Variants in XIRP2 observed in about 807,000 individuals in gnomAD.
XIRP2 encodes the protein xin actin binding repeat containing 2.
In XIRP2, 236 loss-of-function variants were observed where a neutral mutation model predicts 277.0. The observed-to-expected ratio is 0.85, with a 90% confidence interval of 0.77 to 0.95. XIRP2 has a LOEUF of 0.95. XIRP2 is among the 40% of genes least tolerant of loss of function. The pLI, the probability that XIRP2 is intolerant of heterozygous loss-of-function variation, is 0.00. For missense variants in XIRP2, 4,640 were observed against 4,157.5 expected, an observed-to-expected ratio of 1.12 and a Z score of -3.19; for synonymous variants, 1,490 against 1,416.5, an observed-to-expected ratio of 1.05 and a Z score of -1.17.
At chr2:167,158,962 C>T (rs1277088438) in intron 3 of XIRP2, among the ~76,000 whole-genome samples, 1 of 152,160 alleles carries the variant, frequency 6.6e-6, no homozygotes, top group East Asian at 1.9e-4. Flanking sequence ...CAGACACTAC[C>T]TCTGGGGGGT....
At chr2:167,011,686 T>A (rs1162638390) in intron 2 of XIRP2, among the ~76,000 whole-genome samples, 1 of 151,042 alleles carries the variant, frequency 6.6e-6, no homozygotes, top group Non-Finnish European at 1.5e-5. Flanking sequence ...AATTCGGCTG[T>A]GAGTCCATCT....
intron 2 of XIRP2, among the ~76,000 whole-genome samples, chr2:167,128,844 C>T (rs949387845): frequency 3.3e-5 from 5 of 152,128 alleles, no homozygotes; most frequent in Non-Finnish European, 5.9e-5. Flanking sequence ...ACACTATGAG[C>T]TTCTTGAGGA....
intron 3 of XIRP2, among the ~76,000 whole-genome samples, chr2:167,147,375 C>G (rs1382828022): frequency 6.6e-6 from 1 of 152,076 alleles, no homozygotes; most frequent in Non-Finnish European, 1.5e-5. Context: ...ATATCAGGCC[C>G]GATAAGAGTC....
At chr2:166,966,187 T>A (rs1371492264) in intron 2 of XIRP2, among the ~76,000 whole-genome samples, 1 of 151,848 alleles carries the variant, frequency 6.6e-6, no homozygotes, top group African/African-American at 2.4e-5. Context: ...GGCTAAATAG[T>A]TGTCAATATT....
chr2:166,982,448 T>C (rs867082916), intron 2 of XIRP2, among the ~76,000 whole-genome samples: 1 of 152,014 alleles, frequency 6.6e-6, no homozygotes, highest in Non-Finnish European at 1.5e-5. Context: ...TGTCCCTTTT[T>C]TTCAACTTCT....
chr2:166,970,042 C>T (rs1054677965), intron 2 of XIRP2, among the ~76,000 whole-genome samples: 2 of 152,042 alleles, frequency 1.3e-5, no homozygotes, highest in Non-Finnish European at 2.9e-5. Context: ...AATCTGCCCA[C>T]ATAATGTGAA....
intron 2 of XIRP2, among the ~76,000 whole-genome samples, chr2:167,019,212 G>GT (rs978133112): frequency 6.6e-6 from 1 of 151,942 alleles, no homozygotes; most frequent in African/African-American, 2.4e-5. Context: ...GATTTAAGGG[G>GT]TAGATGAACT....
At chr2:167,171,840 T>C (rs891758937) in intron 3 of XIRP2, among the ~76,000 whole-genome samples, 7 of 152,226 alleles carry the variant, frequency 4.6e-5, no homozygotes, top group Admixed American at 3.9e-4. Context: ...AACCTCAAAG[T>C]CTACTTTTTC....
chr2:167,094,624 T>A (rs1276134910), intron 2 of XIRP2, among the ~76,000 whole-genome samples: 1 of 152,202 alleles, frequency 6.6e-6, no homozygotes, highest in Non-Finnish European at 1.5e-5. Context: ...ATCAGACGGT[T>A]GTAGATATGT....
chr2:167,193,305 CA>C (rs1371017935), intron 3 of XIRP2, among the ~76,000 whole-genome samples: 1 of 152,154 alleles, frequency 6.6e-6, no homozygotes, highest in Non-Finnish European at 1.5e-5. Flanking sequence ...TCAAGCCAAC[CA>C]GTCACAGCTT....
intron 3 of XIRP2, among the ~76,000 whole-genome samples, chr2:167,208,323 C>T (rs912416713): frequency 3.3e-5 from 5 of 151,644 alleles, no homozygotes; most frequent in South Asian, 2.1e-4. Context: ...TTTTTTGAGA[C>T]GGAGACGGAG....
At chr2:167,164,711 A>C (rs1692471904) in intron 3 of XIRP2, among the ~76,000 whole-genome samples, 1 of 152,116 alleles carries the variant, frequency 6.6e-6, no homozygotes, top group African/African-American at 2.4e-5. Flanking sequence ...TTATCCTTTT[A>C]GATTTTTAAT....
At chr2:167,026,598 G>T (rs1366971201) in intron 2 of XIRP2, among the ~76,000 whole-genome samples, 3 of 152,122 alleles carry the variant, frequency 2.0e-5, no homozygotes, top group Non-Finnish European at 4.4e-5. Context: ...GGTACCAGTT[G>T]TTCCTTTCCA....
chr2:167,214,439 T>C (rs1220238974), intron 4 of XIRP2, among the ~76,000 whole-genome samples: 1 of 136,726 alleles, frequency 7.3e-6, no homozygotes, highest in Non-Finnish European at 1.5e-5. Context: ...ATCGTGCTGC[T>C]GCACTCCAGC....
intron 5 of XIRP2, among the ~76,000 whole-genome samples, chr2:167,237,443 T>TA (rs1030543720): frequency 6.6e-6 from 1 of 152,000 alleles, no homozygotes; most frequent in Non-Finnish European, 1.5e-5. Context: ...CTTTTTTTTT[T>TA]AAATGTCATC....
chr2:166,927,711 A>G (rs999774206), intron 2 of XIRP2, among the ~76,000 whole-genome samples: 14 of 152,126 alleles, frequency 9.2e-5, no homozygotes, highest in Non-Finnish European at 1.2e-4. Flanking sequence ...TTCCATCTGC[A>G]ACCTTGATTT....
chr2:167,226,068 G>A (rs1002060326), intron 5 of XIRP2, among the ~76,000 whole-genome samples: 9 of 152,154 alleles, frequency 5.9e-5, no homozygotes, highest in African/African-American at 2.2e-4. Context: ...GGACGTCTCA[G>A]TTCCTGACTA....
In XIRP2 at chr2:167,258,592, T is replaced by C. The variant is rs763829081; in HGVS notation, c.*775T>C. On this transcript the variant is annotated 3_prime_UTR_variant, in exon 11 of 11. Coordinates refer to ENST00000409195, the MANE Select transcript of XIRP2 (RefSeq NM_152381.6). Reference sequence around the variant, plus strand: ...ATGAAAAAACTAACCAAACTAATGGTGCAGAAGTTTTACAGGTTACTAACA... The same window carrying C: ...ATGAAAAAACTAACCAAACTAATGGCGCAGAAGTTTTACAGGTTACTAACA... 6.2e-6 allele frequency: 10 copies of C among 1,612,994 alleles called. No individual in the cohort carries two copies. Among genetic ancestry groups the C allele is most frequent in the South Asian group, 1.1e-5 (1 of 91,060 alleles).
chr2:166,979,282 A>G (rs1388840056), intron 2 of XIRP2, among the ~76,000 whole-genome samples: 2 of 151,986 alleles, frequency 1.3e-5, no homozygotes, highest in Non-Finnish European at 2.9e-5. Flanking sequence ...TGTCTTCCCA[A>G]TTAAGGTTAA....
Sources: allele counts gnomAD v4.1 joint callset (sites outside exome capture counted in the v4.1 genomes callset), GRCh38; gene constraint gnomAD v4.1.1; transcripts MANE v1.5; gene names NCBI Gene and HGNC (gene_info 2026-07-23, HGNC 2026-07-21).